DLGAP2: variants seen among roughly 807,000 people sequenced by gnomAD.
DLGAP2 encodes disks large-associated protein 2.
A neutral mutation model predicts 100.3 loss-of-function variants in DLGAP2; 26 were observed. The observed-to-expected ratio is 0.26, with a 90% CI of 0.19 to 0.36. The LOEUF is 0.36. Ranked by LOEUF, DLGAP2 falls within the 10% of genes least tolerant of loss-of-function variation. The pLI, the probability that DLGAP2 is intolerant of heterozygous loss-of-function variation, is 1.00. For missense variants in DLGAP2, 1,858 were observed against 1,453.2 expected, an observed-to-expected ratio of 1.28 and a Z score of -4.53; for synonymous variants, 886 against 630.1, an observed-to-expected ratio of 1.41 and a Z score of -6.08.
intron 2 of DLGAP2, among the ~76,000 whole-genome samples, chr8:989,231 G>A (rs551051482): frequency 3.0e-4 from 46 of 152,198 alleles, no homozygotes; most frequent in South Asian, 2.1e-3. Context: ...GTGCTCCCCC[G>A]GAGTCCCTCT....
chr8:1,692,588 C>T (rs1481035126), intron 13 of DLGAP2, among the ~76,000 whole-genome samples: 1 of 152,130 alleles, frequency 6.6e-6, no homozygotes, highest in Non-Finnish European at 1.5e-5. Flanking sequence ...ACCAGAGCAT[C>T]TTAGAAGAGG....
At chr8:1,320,785 C>T (rs547940002) in intron 3 of DLGAP2, among the ~76,000 whole-genome samples, 29 of 152,316 alleles carry the variant, frequency 1.9e-4, no homozygotes, top group Non-Finnish European at 4.0e-4. Context: ...CCCACAAGAA[C>T]AGTGTTGTGA....
At chr8:1,647,488 CAAAAAAA>C (rs567451595) in intron 8 of DLGAP2, among the ~76,000 whole-genome samples, 23 of 44,938 alleles carry the variant, frequency 5.1e-4, no homozygotes, top group South Asian at 2.6e-3. Context: ...GACTCTGTCT[CAAAAAAA>C]AAAAAAAAAA....
intron 1 of DLGAP2, among the ~76,000 whole-genome samples, chr8:757,207 TC>T (rs1231609490): frequency 6.6e-6 from 1 of 152,150 alleles, no homozygotes; most frequent in Non-Finnish European, 1.5e-5. Context: ...AATTCTTCCC[TC>T]CCCTGAACTC....
At chr8:1,493,701 A>G (rs1034532326) in intron 3 of DLGAP2, among the ~76,000 whole-genome samples, 1 of 152,204 alleles carries the variant, frequency 6.6e-6, no homozygotes, top group African/African-American at 2.4e-5. Context: ...TGCTTTTCAG[A>G]AATGGAAGGG....
intron 2 of DLGAP2, among the ~76,000 whole-genome samples, chr8:921,322 G>A (rs1798709407): frequency 6.6e-6 from 1 of 152,164 alleles, no homozygotes; most frequent in Non-Finnish European, 1.5e-5. Flanking sequence ...GTTGAGTGTG[G>A]ATGCGTGTCT....
At chr8:1,353,001 TG>T (rs1161771691) in intron 3 of DLGAP2, among the ~76,000 whole-genome samples, 2 of 152,166 alleles carry the variant, frequency 1.3e-5, no homozygotes, top group African/African-American at 4.8e-5. Context: ...AGGCAGATTT[TG>T]ACTCAGCCGA....
rs936934306 is a variant in DLGAP2, at chr8:1,669,676, G to A, written c.2161-67G>A. 107 of 779,640 alleles carry A rather than the reference G, an allele frequency of 1.4e-4. No homozygotes were observed. The African/African-American group carries it at 1.6e-3, about 11-fold the overall frequency. 48.3% of individuals were successfully genotyped at this position (779,640 alleles called of 1,614,324 possible). ...TAGGCATGCGGGCGGAGAGAGCAGG[G>A]GAGCCGCCCGCTGGTCCAGGGCCTC... On this transcript the variant is annotated intron_variant, in intron 9 of 14. Coordinates refer to ENST00000637795, the MANE Select transcript of DLGAP2 (RefSeq NM_001346810.2).
chr8:933,197 C>A (rs1005860603), intron 2 of DLGAP2, among the ~76,000 whole-genome samples: 4 of 152,268 alleles, frequency 2.6e-5, no homozygotes, highest in Admixed American at 2.6e-4. Context: ...TCAGGCCTCT[C>A]TAGGGTCAGA....
chr8:1,553,996 C>A (rs1463880550), intron 5 of DLGAP2, among the ~76,000 whole-genome samples: 1 of 152,194 alleles, frequency 6.6e-6, no homozygotes, highest in East Asian at 1.9e-4. Context: ...ATTTAAAAGG[C>A]TTGTCACAGG....
At chr8:952,419 T>A (rs932545834) in intron 2 of DLGAP2, among the ~76,000 whole-genome samples, 3 of 152,146 alleles carry the variant, frequency 2.0e-5, no homozygotes, top group Admixed American at 1.3e-4. Flanking sequence ...CAAGGATCAT[T>A]TGAGGTCAGG....
chr8:1,559,930 G>T (rs1454839498), intron 5 of DLGAP2, among the ~76,000 whole-genome samples: 1 of 152,138 alleles, frequency 6.6e-6, no homozygotes, highest in Non-Finnish European at 1.5e-5. Flanking sequence ...TCCTGATCCT[G>T]GCCCCTCCCG....
intron 2 of DLGAP2, among the ~76,000 whole-genome samples, chr8:975,432 A>ATTCT (rs1800137854): frequency 6.6e-6 from 1 of 152,166 alleles, no homozygotes; most frequent in South Asian, 2.1e-4. Flanking sequence ...AAACCAGAAA[A>ATTCT]AGACATTTAA....
intron 3 of DLGAP2, among the ~76,000 whole-genome samples, chr8:1,344,602 C>T (rs904063770): frequency 3.3e-5 from 5 of 152,178 alleles, no homozygotes; most frequent in Non-Finnish European, 7.3e-5. Context: ...AGTGCATGTA[C>T]CTCTGTGTTC....
chr8:1,572,577 T>G (rs1243771269), intron 6 of DLGAP2, among the ~76,000 whole-genome samples: 17 of 39,690 alleles, frequency 4.3e-4, no homozygotes, highest in Admixed American at 9.6e-4. Context: ...GGGTGAACTG[T>G]GGGGGCGTCT....
At chr8:890,216 T>C (rs891016043) in intron 1 of DLGAP2, among the ~76,000 whole-genome samples, 1 of 152,152 alleles carries the variant, frequency 6.6e-6, no homozygotes, top group South Asian at 2.1e-4. Flanking sequence ...ATAATCATCC[T>C]TGGGCGTTTA....
At chr8:1,426,092 G>T (rs192259235) in intron 3 of DLGAP2, among the ~76,000 whole-genome samples, 5 of 152,178 alleles carry the variant, frequency 3.3e-5, no homozygotes, top group African/African-American at 7.2e-5. Flanking sequence ...GGGAGAAAGC[G>T]TCAGGGTAGG....
chr8:814,938 T>G (rs1158134284), intron 1 of DLGAP2, among the ~76,000 whole-genome samples: 1 of 150,912 alleles, frequency 6.6e-6, no homozygotes, highest in African/African-American at 2.4e-5. Context: ...ATCAGATATA[T>G]CTGAAGAAAA....
chr8:848,348 G>A lies in DLGAP2; in HGVS notation c.19-59564G>A, dbSNP rs957742631. On this transcript the variant is annotated intron_variant, in intron 1 of 14. Coordinates refer to ENST00000637795, the MANE Select transcript of DLGAP2 (RefSeq NM_001346810.2). ...TCGTGCGGTGCGTGTTCCAGTATAG[G>A]AACGTGCGGTGCCTGTTCCAGTGTA... Among the ~76,000 whole-genome samples, 132 of 147,616 alleles carry A rather than the reference G, an allele frequency of 8.9e-4. 2 individuals are homozygous for A. The highest frequency in any genetic ancestry group is 3.2e-3 in the African/African-American group (129 of 40,326).
Sources: allele counts gnomAD v4.1 joint callset (sites outside exome capture counted in the v4.1 genomes callset), GRCh38; gene constraint gnomAD v4.1.1; transcripts MANE v1.5; gene names NCBI Gene and HGNC (gene_info 2026-07-23, HGNC 2026-07-21).